The following TMPRSS15 variants were observed in gnomAD, a reference collection of about 807,000 sequenced individuals.
The protein encoded by TMPRSS15 is enteropeptidase.
In TMPRSS15, 128 loss-of-function variants were observed where a neutral mutation model predicts 125.3. The ratio of observed to expected loss-of-function variants is 1.02; its 90% confidence interval spans 0.89 to 1.18. The LOEUF is 1.18. Among genes scored for constraint, TMPRSS15 ranks in the 50% most tolerant of loss-of-function variants. The probability of loss-of-function intolerance (pLI) is 0.00; values close to 1 mark genes in which losing one functional copy is unlikely to be tolerated. For missense variants in TMPRSS15, 1,283 were observed against 1,212.7 expected, an observed-to-expected ratio of 1.06 and a Z score of -0.86; for synonymous variants, 446 against 423.2, an observed-to-expected ratio of 1.05 and a Z score of -0.66.
chr21:18,334,024 C>A (rs2075368522), intron 13 of TMPRSS15, among the ~76,000 whole-genome samples: 1 of 152,070 alleles, frequency 6.6e-6, no homozygotes, highest in South Asian at 2.1e-4. Context: ...AGATTATTTA[C>A]CCCCAATAAA....
intron 1 of TMPRSS15, among the ~76,000 whole-genome samples, chr21:18,469,286 TACA>T (rs951720060): frequency 3.3e-4 from 51 of 152,286 alleles, no homozygotes; most frequent in African/African-American, 9.6e-4. Flanking sequence ...CTTTGGGCTT[TACA>T]AAGTTATGGT....
intron 13 of TMPRSS15, among the ~76,000 whole-genome samples, chr21:18,337,365 AG>A (rs1179252825): frequency 6.6e-6 from 1 of 152,058 alleles, no homozygotes; most frequent in Non-Finnish European, 1.5e-5. Context: ...GAAATAAGCC[AG>A]GGGCCTGAAA....
chr21:18,377,646 G>A (rs971841210), intron 5 of TMPRSS15, among the ~76,000 whole-genome samples: 2 of 152,024 alleles, frequency 1.3e-5, no homozygotes, highest in African/African-American at 2.4e-5. Flanking sequence ...ATTCACCCAC[G>A]TCTTTTTAGT....
At chr21:18,347,532 T>C (rs758968551) in intron 10 of TMPRSS15, among the ~76,000 whole-genome samples, 3 of 152,172 alleles carry the variant, frequency 2.0e-5, no homozygotes, top group Non-Finnish European at 4.4e-5. Context: ...ACCTGGCCTG[T>C]TGTATATTTT....
chr21:18,366,638 G>A (rs1050676762), intron 6 of TMPRSS15, among the ~76,000 whole-genome samples: 1 of 151,880 alleles, frequency 6.6e-6, no homozygotes, highest in African/African-American at 2.4e-5. Flanking sequence ...ACAACTTTTA[G>A]TCTTTCTTAC....
intron 3 of TMPRSS15, among the ~76,000 whole-genome samples, chr21:18,386,803 T>C (rs2075948072): frequency 6.6e-6 from 1 of 152,234 alleles, no homozygotes; most frequent in South Asian, 2.1e-4. Flanking sequence ...TATTTCTATG[T>C]AATTTCACCG....
chr21:18,349,984 C>G (rs1049012386), intron 10 of TMPRSS15, among the ~76,000 whole-genome samples: 2 of 152,120 alleles, frequency 1.3e-5, no homozygotes, highest in African/African-American at 4.8e-5. Context: ...TCAGAGATTT[C>G]AACCACATAA....
At chr21:18,377,313 C>T (rs567219367) in intron 5 of TMPRSS15, among the ~76,000 whole-genome samples, 1 of 152,132 alleles carries the variant, frequency 6.6e-6, no homozygotes, top group East Asian at 1.9e-4. Flanking sequence ...GTATAATAAT[C>T]GTGTTTTAAA....
rs1309276829 is a variant in TMPRSS15 at position 18,275,186 on chromosome 21, T to G, written c.2904+11A>C. 2 of 1,613,498 alleles carry G rather than the reference T, an allele frequency of 1.2e-6. No individual in the cohort carries two copies. The highest frequency in any genetic ancestry group is 2.7e-5 in the African/African-American group (2 of 74,934). On this transcript the variant is annotated intron_variant, in intron 24 of 24. Transcript: ENST00000284885. ...TCTGAAAAGGTACAGTGAGCAGTTT[T>G]ACATCTTTACCTGACAAGAATCTAT...
intron 1 of TMPRSS15, among the ~76,000 whole-genome samples, chr21:18,467,538 G>A (rs1283159695): frequency 6.6e-6 from 1 of 151,944 alleles, no homozygotes; most frequent in Non-Finnish European, 1.5e-5. Context: ...AGATAGAGTG[G>A]TTTACCTTTG....
At chr21:18,293,594 C>A (rs2074864161) in intron 21 of TMPRSS15, among the ~76,000 whole-genome samples, 3 of 152,184 alleles carry the variant, frequency 2.0e-5, no homozygotes, top group African/African-American at 7.2e-5. Context: ...GGTCCAGGAT[C>A]ATTTAGCTTT....
intron 1 of TMPRSS15, among the ~76,000 whole-genome samples, chr21:18,465,249 T>C (rs1411111583): frequency 6.6e-6 from 1 of 152,110 alleles, no homozygotes; most frequent in Non-Finnish European, 1.5e-5. Context: ...TAGATACTGA[T>C]GGAACGTATC....
intron 14 of TMPRSS15, among the ~76,000 whole-genome samples, chr21:18,331,473 G>T (rs1342117479): frequency 6.6e-6 from 1 of 152,154 alleles, no homozygotes; most frequent in African/African-American, 2.4e-5. Flanking sequence ...ATCTATTTAG[G>T]AACATTGATG....
chr21:18,378,645 C>T (rs183790441), intron 5 of TMPRSS15, among the ~76,000 whole-genome samples: 1 of 151,992 alleles, frequency 6.6e-6, no homozygotes, highest in East Asian at 1.9e-4. Context: ...ACAATATTGC[C>T]TTTATTGAAT....
At chr21:18,397,987 G>C in intron 2 of TMPRSS15, 41 bp from the exon 3 acceptor site, 1 of 1,351,332 alleles carries the variant, frequency 7.4e-7, no homozygotes, top group Non-Finnish European at 1.0e-6. Context: ...ACTAAATTTA[G>C]GATTTTAACT....
At chr21:18,379,655 T>C (rs925519238) in intron 4 of TMPRSS15, among the ~76,000 whole-genome samples, 2 of 152,044 alleles carry the variant, frequency 1.3e-5, no homozygotes, top group African/African-American at 2.4e-5. Flanking sequence ...CCAGGTTAAT[T>C]TGATGTTATA....
At chr21:18,338,508 T>G (rs2075415211) in intron 13 of TMPRSS15, among the ~76,000 whole-genome samples, 1 of 152,204 alleles carries the variant, frequency 6.6e-6, no homozygotes, top group South Asian at 2.1e-4. Flanking sequence ...ATAGGTAGGG[T>G]GTGGGTCACC....
At chr21:18,441,184 T>C (rs2076240552) in intron 1 of TMPRSS15, among the ~76,000 whole-genome samples, 1 of 151,922 alleles carries the variant, frequency 6.6e-6, no homozygotes, top group Non-Finnish European at 1.5e-5. Context: ...TCCCAGCTAC[T>C]CAGGAGGCTG....
intron 1 of TMPRSS15, among the ~76,000 whole-genome samples, chr21:18,402,312 C>T (rs951169475): frequency 1.3e-5 from 2 of 151,892 alleles, no homozygotes; most frequent in African/African-American, 4.8e-5. Flanking sequence ...TGGGCAGATA[C>T]GAGGTCAAGA....
Sources: gnomAD v4.1 joint callset for allele counts (sites outside exome capture counted in the v4.1 genomes callset) on GRCh38, gnomAD v4.1.1 for gene constraint, MANE v1.5 for transcripts, NCBI Gene and HGNC (gene_info 2026-07-23, HGNC 2026-07-21) for gene names.